CAV1: variants seen among roughly 807,000 people sequenced by gnomAD.
The protein encoded by CAV1 is caveolin-1.
In CAV1, 10 loss-of-function variants were observed where a neutral mutation model predicts 16.5. That is an observed-to-expected ratio of 0.61 (90% CI 0.37 to 1.03). The LOEUF is 1.03. Ranked by LOEUF, CAV1 falls within the 50% of genes least tolerant of loss-of-function variation. The pLI is 0.01. For synonymous variants in CAV1, 76 were observed against 85.1 expected (o/e 0.89, Z 0.59); for missense variants, 212 against 232.8 (o/e 0.91, Z 0.58).
Position 116,538,106 on chromosome 7 carries a change from C to T in CAV1, c.195+11417C>T, listed in dbSNP as rs1395378342. 2.0e-5 allele frequency among the ~76,000 whole-genome samples: 3 copies of T among 152,298 alleles called. No individual in the cohort carries two copies. The East Asian group carries it at 5.8e-4, about 29-fold the overall frequency. ...CTGACAGGTACTTTGCACTAAACAGCTCCTTATAAGGTTCTCAATTTGCCT... is the reference window on the plus strand; with the variant it reads ...CTGACAGGTACTTTGCACTAAACAGTTCCTTATAAGGTTCTCAATTTGCCT... On this transcript the variant is annotated intron_variant, in intron 2 of 2. Coordinates refer to ENST00000341049, the MANE Select transcript of CAV1 (RefSeq NM_001753.5).
intron 2 of CAV1, among the ~76,000 whole-genome samples, chr7:116,534,395 A>ATTTTTTTTTTTTTT (rs1159703159): frequency 1.0e-3 from 8 of 7,822 alleles, no homozygotes; most frequent in Non-Finnish European, 1.3e-3. Context: ...ATATATATAT[A>ATTTTTTTTTTTTTT]TTTTTTTTTT....
At chr7:116,555,538 G>GAAAGAA (rs1794261174) in intron 2 of CAV1, among the ~76,000 whole-genome samples, 1 of 5,742 alleles carries the variant, frequency 1.7e-4, no homozygotes, top group Non-Finnish European at 4.3e-4. Flanking sequence ...GAGAGAGAGA[G>GAAAGAA]AGAGAGAAAG....
Position 116,558,952 on chromosome 7 carries a change from T to G in CAV1, c.202T>G (p.Phe68Val), listed in dbSNP as rs752571940. Residue 68 changes from phenylalanine to valine, a missense_variant, in exon 3 of 3, where the codon TTT (phenylalanine) becomes GTT (valine). Coordinates refer to ENST00000341049, the MANE Select transcript of CAV1 (RefSeq NM_001753.5). The stretch of plus-strand genomic sequence containing the variant: ...TGTCACTTCTTCCTTTTAGATTGAC[T>G]TTGAAGATGTGATTGCAGAACCAGA... The part of the protein sequence containing the change: ...HLNDDVVKID[F>V]EDVIAEPEGT... 7.4e-6 allele frequency: 12 copies of G among 1,612,294 alleles called. No homozygotes were observed. In the African/African-American group the frequency reaches 1.5e-4, roughly 20 times the overall value.
At chr7:116,555,530 G>A (rs367594137) in intron 2 of CAV1, among the ~76,000 whole-genome samples, 373 of 6,144 alleles carry the variant, frequency 0.061, 62 homozygotes, top group South Asian at 0.12. Context: ...GAGAGAGAGA[G>A]AGAGAGAGAG....
intron 2 of CAV1, among the ~76,000 whole-genome samples, chr7:116,546,006 G>A (rs1794038122): frequency 6.6e-6 from 1 of 152,200 alleles, no homozygotes; most frequent in Admixed American, 6.5e-5. Context: ...TTCAACACTT[G>A]GAGGGGTTGT....
At chr7:116,536,972 C>T (rs980356410) in intron 2 of CAV1, among the ~76,000 whole-genome samples, 8 of 137,358 alleles carry the variant, frequency 5.8e-5, no homozygotes, top group South Asian at 2.4e-4. Context: ...CATTGCAGTC[C>T]GCAGTCCGGC....
intron 2 of CAV1, among the ~76,000 whole-genome samples, chr7:116,527,659 A>G (rs1192126663): frequency 1.3e-5 from 2 of 152,192 alleles, no homozygotes; most frequent in African/African-American, 4.8e-5. Flanking sequence ...GTTTTCTCTG[A>G]GAAATGGAGG....
chr7:116,559,582 G>A lies in CAV1; in HGVS notation c.*295G>A, dbSNP rs1341135396. ...TGAGATATGAACATATTGTTGAAAG[G>A]TAATTTGAGAGAAATATGAAGAACT... On this transcript the variant is annotated 3_prime_UTR_variant, in exon 3 of 3. Coordinates refer to ENST00000341049, the MANE Select transcript of CAV1 (RefSeq NM_001753.5). The A allele has an allele frequency of 4.0e-6, 2 of 502,564 alleles. No homozygotes were observed. Among genetic ancestry groups the A allele is most frequent in the Non-Finnish European group, 6.9e-6 (2 of 288,648 alleles). 31.1% of individuals were successfully genotyped at this position (502,564 alleles called of 1,614,324 possible). A position where few individuals can be genotyped will look rare whatever the true frequency, so the allele number is the denominator to read the frequency against.
At chr7:116,542,795 A>G (rs954221017) in intron 2 of CAV1, 1 of 152,200 alleles carries the variant, frequency 6.6e-6, no homozygotes, top group African/African-American at 2.4e-5. Flanking sequence ...ACACCAGAGT[A>G]TCATCCCCCT....
At chr7:116,556,908 A>G (rs912321856) in intron 2 of CAV1, among the ~76,000 whole-genome samples, 4 of 152,216 alleles carry the variant, frequency 2.6e-5, no homozygotes, top group African/African-American at 9.6e-5. Context: ...AAACAAAGAC[A>G]TCTTTAAAAA....
intron 2 of CAV1, chr7:116,552,113 C>G (rs1794177114): frequency 6.6e-6 from 1 of 152,144 alleles, no homozygotes. Context: ...CTAAGTCCAG[C>G]CCACAATTAG....
chr7:116,559,448 C>A lies in CAV1; in HGVS notation c.*161C>A. On this transcript the variant is annotated 3_prime_UTR_variant, in exon 3 of 3. Coordinates refer to ENST00000341049, the MANE Select transcript of CAV1 (RefSeq NM_001753.5). The stretch of plus-strand genomic sequence containing the variant: ...TTCTCAGTTTTCATAAGTATTATGT[C>A]TCTTCTGAGCTATTTCATCTATTTT... The A allele has an allele frequency of 3.2e-6, 2 of 625,320 alleles. No individual in the cohort carries two copies. The highest frequency in any genetic ancestry group is 2.0e-5 in the South Asian group (1 of 50,562). The allele number at this position is 625,320 out of a possible 1,614,324, so 38.7% of individuals were successfully genotyped here. A position where few individuals can be genotyped will look rare whatever the true frequency, so the allele number is the denominator to read the frequency against.
Position 116,540,066 on chromosome 7 carries a change from C to T in CAV1, c.195+13377C>T, listed in dbSNP as rs1347105225. Among the ~76,000 whole-genome samples the T allele has an allele frequency of 5.3e-5, 8 of 152,216 alleles. No individual in the cohort carries two copies. The East Asian group carries it at 1.5e-3, about 29-fold the overall frequency. On this transcript the variant is annotated intron_variant, in intron 2 of 2. Transcript: ENST00000341049. ...CCACAGCTTTGAGAAACCGAAGCCTCTGCTTCCTTCTCTTTGGCTTTACTG... is the reference window on the plus strand; with the variant it reads ...CCACAGCTTTGAGAAACCGAAGCCTTTGCTTCCTTCTCTTTGGCTTTACTG...
chr7:116,549,505 G>T (rs1794116292), intron 2 of CAV1, among the ~76,000 whole-genome samples: 1 of 151,960 alleles, frequency 6.6e-6, no homozygotes, highest in Non-Finnish European at 1.5e-5. Flanking sequence ...GTATTTTAGA[G>T]CTATGGTGAA....
At chr7:116,548,223 C>A (rs1384018688) in intron 2 of CAV1, among the ~76,000 whole-genome samples, 3 of 152,186 alleles carry the variant, frequency 2.0e-5, no homozygotes, top group African/African-American at 7.2e-5. Context: ...TAACAAGCAT[C>A]CCCAGAAATT....
chr7:116,531,071 A>AG (rs1793678911), intron 2 of CAV1, among the ~76,000 whole-genome samples: 2 of 152,242 alleles, frequency 1.3e-5, no homozygotes, highest in Admixed American at 1.3e-4. Flanking sequence ...CATCATGGTT[A>AG]CCAGGCTGGC....
chr7:116,554,020 C>T (rs1794215254), intron 2 of CAV1, among the ~76,000 whole-genome samples: 1 of 152,154 alleles, frequency 6.6e-6, no homozygotes, highest in Non-Finnish European at 1.5e-5. Flanking sequence ...CAATCCTGTG[C>T]TGCCATAAAA....
intron 2 of CAV1, among the ~76,000 whole-genome samples, chr7:116,541,132 C>G (rs1014686608): frequency 2.0e-5 from 3 of 152,168 alleles, no homozygotes; most frequent in Non-Finnish European, 2.9e-5. Context: ...ATACAAGATT[C>G]TGTACCTCTT....
chr7:116,552,327 G>A (rs1794180114), intron 2 of CAV1, among the ~76,000 whole-genome samples: 1 of 152,196 alleles, frequency 6.6e-6, no homozygotes, highest in African/African-American at 2.4e-5. Flanking sequence ...ATACAATTTA[G>A]GTAGTGTATT....
Sources: gnomAD v4.1 joint callset for allele counts (sites outside exome capture counted in the v4.1 genomes callset) on GRCh38, gnomAD v4.1.1 for gene constraint, MANE v1.5 for transcripts, NCBI Gene and HGNC (gene_info 2026-07-23, HGNC 2026-07-21) for gene names.